PRDM5: variants seen among roughly 807,000 people sequenced by gnomAD.
The protein encoded by PRDM5 is PR/SET domain 5, also known as PR domain zinc finger protein 5.
A neutral mutation model predicts 81.2 loss-of-function variants in PRDM5; 56 were observed. The ratio of observed to expected loss-of-function variants is 0.69; its 90% confidence interval spans 0.56 to 0.86. The LOEUF is 0.86. PRDM5 is among the 40% of genes least tolerant of loss of function. The probability of loss-of-function intolerance (pLI) is 0.00; values close to 1 mark genes in which losing one functional copy is unlikely to be tolerated. For synonymous variants in PRDM5, 267 were observed against 256.4 expected (o/e 1.04, Z -0.39); for missense variants, 697 against 770.1 (o/e 0.91, Z 1.12).
intron 15 of PRDM5, among the ~76,000 whole-genome samples, chr4:120,703,701 T>C (rs979862771): frequency 3.9e-5 from 6 of 152,126 alleles, no homozygotes; most frequent in African/African-American, 1.2e-4. Context: ...ATATTAGTAT[T>C]ACTATTAAAC....
chr4:120,868,557 T>C (rs1761451967), intron 2 of PRDM5, among the ~76,000 whole-genome samples: 1 of 152,150 alleles, frequency 6.6e-6, no homozygotes, highest in Admixed American at 6.6e-5. Context: ...AAAGTCCTTT[T>C]CCTCCAGAGA....
rs564563031 is a variant in PRDM5, at chr4:120,724,853, C to T, written c.1624-14440G>A. Among the ~76,000 whole-genome samples the T allele has an allele frequency of 3.2e-4, 48 of 152,216 alleles. 1 individual carries two copies. Among genetic ancestry groups the T allele is most frequent in the Middle Eastern group, 3.4e-3 (1 of 294 alleles). On this transcript the variant is annotated intron_variant, in intron 14 of 15. Transcript: ENST00000264808. The stretch of plus-strand genomic sequence containing the variant: ...GCCAAGTTTATGTCAACAGGTGAAA[C>T]AAAACCATCAAGGAGCGGGCAGAAG...
At chr4:120,859,346 T>C (rs1760295074) in intron 2 of PRDM5, among the ~76,000 whole-genome samples, 3 of 152,118 alleles carry the variant, frequency 2.0e-5, no homozygotes, top group South Asian at 4.1e-4. Flanking sequence ...CCCAGATAGC[T>C]GGGACTGGGA....
At chr4:120,782,989 C>T (rs1749262090) in intron 11 of PRDM5, among the ~76,000 whole-genome samples, 1 of 151,910 alleles carries the variant, frequency 6.6e-6, no homozygotes, top group Non-Finnish European at 1.5e-5. Context: ...CAGATTTTTT[C>T]CCTATCTTAG....
intron 15 of PRDM5, among the ~76,000 whole-genome samples, chr4:120,705,618 A>G (rs1481963620): frequency 6.6e-6 from 1 of 152,150 alleles, no homozygotes; most frequent in African/African-American, 2.4e-5. Flanking sequence ...TGGGAGGGTG[A>G]GGGCTGCAGG....
At chr4:120,705,592 G>A (rs559764945) in intron 15 of PRDM5, among the ~76,000 whole-genome samples, 3 of 152,254 alleles carry the variant, frequency 2.0e-5, no homozygotes, top group Admixed American at 6.5e-5. Context: ...TGCTGATGGA[G>A]TCAAAGAGAG....
chr4:120,741,605 C>T (rs988150684), intron 14 of PRDM5, among the ~76,000 whole-genome samples: 1 of 152,174 alleles, frequency 6.6e-6, no homozygotes, highest in South Asian at 2.1e-4. Flanking sequence ...CCAGGCATTG[C>T]CTCACTCGGG....
At chr4:120,746,998 A>G (rs1233897903) in intron 14 of PRDM5, among the ~76,000 whole-genome samples, 10 of 150,272 alleles carry the variant, frequency 6.7e-5, no homozygotes, top group Middle Eastern at 3.4e-3. Context: ...TGTTTATTGC[A>G]GCATTATTCA....
intron 10 of PRDM5, among the ~76,000 whole-genome samples, chr4:120,787,253 T>A (rs531522436): frequency 6.6e-6 from 1 of 152,128 alleles, no homozygotes; most frequent in Non-Finnish European, 1.5e-5. Flanking sequence ...TCAAGAAACA[T>A]CACGGAAGCC....
At chr4:120,891,784 C>T (rs1764074978) in intron 2 of PRDM5, among the ~76,000 whole-genome samples, 1 of 152,102 alleles carries the variant, frequency 6.6e-6, no homozygotes, top group Non-Finnish European at 1.5e-5. Context: ...CACCCACCAC[C>T]ATGCCCAGCT....
chr4:120,760,573 T>C (rs985460046), intron 13 of PRDM5, among the ~76,000 whole-genome samples: 4 of 152,294 alleles, frequency 2.6e-5, no homozygotes, highest in Admixed American at 6.5e-5. Context: ...ATCTCTTTCT[T>C]TAAATTATGT....
intron 3 of PRDM5, among the ~76,000 whole-genome samples, chr4:120,828,626 A>T (rs1756332604): frequency 1.3e-5 from 2 of 152,096 alleles, no homozygotes; most frequent in South Asian, 4.1e-4. Context: ...GGCCCCATAT[A>T]ATTTTTTATT....
At chr4:120,738,410 A>T (rs74755816) in intron 14 of PRDM5, among the ~76,000 whole-genome samples, 62 of 152,284 alleles carry the variant, frequency 4.1e-4, no homozygotes, top group African/African-American at 1.5e-3. Context: ...AATTACTTAA[A>T]AGGAAAGCTC....
intron 3 of PRDM5, among the ~76,000 whole-genome samples, chr4:120,845,721 T>C (rs958115999): frequency 6.6e-6 from 1 of 152,220 alleles, no homozygotes; most frequent in Non-Finnish European, 1.5e-5. Context: ...CTTTCAAATA[T>C]TATTTCTGAA....
chr4:120,910,752 G>A (rs1766411856), intron 1 of PRDM5, among the ~76,000 whole-genome samples: 1 of 152,272 alleles, frequency 6.6e-6, no homozygotes, highest in Admixed American at 6.5e-5. Flanking sequence ...CATAAATGAA[G>A]TATATACATG....
chr4:120,876,832 T>C (rs886735088), intron 2 of PRDM5, among the ~76,000 whole-genome samples: 11 of 152,212 alleles, frequency 7.2e-5, no homozygotes, highest in African/African-American at 2.2e-4. Context: ...TCTATTGCTA[T>C]AGGAACTAGG....
Position 120,710,428 on chromosome 4 carries a change from A to C in PRDM5, c.1624-15T>G. On this transcript the variant is annotated splice_polypyrimidine_tract_variant and intron_variant, in intron 14 of 15. Transcript: ENST00000264808. ...TACGGCTTCTCCTGCAGTCAACAAAAAGAGACCACCAAAATTGCCAGTGAA... is the reference window on the plus strand; with the variant it reads ...TACGGCTTCTCCTGCAGTCAACAAACAGAGACCACCAAAATTGCCAGTGAA... The C allele has an allele frequency of 6.2e-7, 1 of 1,609,724 alleles. No homozygotes were observed. The highest frequency in any genetic ancestry group is 8.5e-7 in the Non-Finnish European group (1 of 1,176,220).
At chr4:120,881,635 C>T (rs545050964) in intron 2 of PRDM5, among the ~76,000 whole-genome samples, 1 of 152,316 alleles carries the variant, frequency 6.6e-6, no homozygotes, top group Non-Finnish European at 1.5e-5. Flanking sequence ...CTCTACACCA[C>T]AAGTTCATTT....
intron 11 of PRDM5, among the ~76,000 whole-genome samples, chr4:120,782,419 T>C (rs1749170890): frequency 6.6e-6 from 1 of 152,072 alleles, no homozygotes; most frequent in African/African-American, 2.4e-5. Context: ...GAAGACTCTA[T>C]TATTTCTTCA....
Sources: allele counts gnomAD v4.1 joint callset (sites outside exome capture counted in the v4.1 genomes callset), GRCh38; gene constraint gnomAD v4.1.1; transcripts MANE v1.5; gene names NCBI Gene and HGNC (gene_info 2026-07-23, HGNC 2026-07-21).